The following RAPGEF5 variants were observed in gnomAD, a reference collection of about 807,000 sequenced individuals.
RAPGEF5 encodes the protein Rap guanine nucleotide exchange factor 5.
Under a neutral mutation model 125.2 loss-of-function variants are expected in RAPGEF5, and 65 were observed. The ratio of observed to expected loss-of-function variants is 0.52; its 90% confidence interval spans 0.43 to 0.64. RAPGEF5 has a LOEUF of 0.64. RAPGEF5 is among the 30% of genes least tolerant of loss of function. The pLI is 0.00. For missense variants in RAPGEF5, 958 were observed against 1,048.1 expected, an observed-to-expected ratio of 0.91 and a Z score of 1.19; for synonymous variants, 391 against 385.9, an observed-to-expected ratio of 1.01 and a Z score of -0.16.
At chr7:22,332,646 T>C (rs532709425) in intron 1 of RAPGEF5, among the ~76,000 whole-genome samples, 19 of 152,354 alleles carry the variant, frequency 1.2e-4, no homozygotes, top group Non-Finnish European at 2.6e-4. Context: ...CACAGGAAAC[T>C]TGTTTTCGAA....
intron 1 of RAPGEF5, among the ~76,000 whole-genome samples, chr7:22,347,724 T>C (rs1784250227): frequency 6.6e-6 from 1 of 152,216 alleles, no homozygotes; most frequent in South Asian, 2.1e-4. Context: ...TATGCCTCAT[T>C]TTTCTCTTCG....
At chr7:22,273,177 A>G (rs1275843315) in intron 6 of RAPGEF5, among the ~76,000 whole-genome samples, 2 of 147,070 alleles carry the variant, frequency 1.4e-5, no homozygotes, top group Non-Finnish European at 3.0e-5. Context: ...AAATGTATCT[A>G]TCCTTACTCA....
intron 1 of RAPGEF5, among the ~76,000 whole-genome samples, chr7:22,331,633 T>G (rs1033716825): frequency 6.6e-6 from 1 of 150,850 alleles, no homozygotes; most frequent in African/African-American, 2.4e-5. Context: ...TAGTCCCAGC[T>G]ACTCGGGATG....
chr7:22,197,899 G>A (rs139863680), intron 9 of RAPGEF5, among the ~76,000 whole-genome samples: 16 of 146,740 alleles, frequency 1.1e-4, no homozygotes, highest in African/African-American at 2.5e-4. Flanking sequence ...TTTTTGGGGG[G>A]GGGTGGTAGG....
At chr7:22,338,104 C>A (rs189297311) in intron 1 of RAPGEF5, among the ~76,000 whole-genome samples, 241 of 152,334 alleles carry the variant, frequency 1.6e-3, no homozygotes, top group Middle Eastern at 6.8e-3. Flanking sequence ...TTACCTGCTG[C>A]ATTTCATTTG....
intron 6 of RAPGEF5, among the ~76,000 whole-genome samples, chr7:22,270,021 A>T (rs1405885698): frequency 6.6e-6 from 1 of 152,250 alleles, no homozygotes; most frequent in African/African-American, 2.4e-5. Context: ...ACTGAGGCAG[A>T]GGGCAAGGAG....
intron 5 of RAPGEF5, among the ~76,000 whole-genome samples, chr7:22,308,005 C>T (rs553187395): frequency 2.6e-5 from 4 of 152,200 alleles, no homozygotes; most frequent in South Asian, 4.1e-4. Context: ...ATTTGGATAG[C>T]GAATAGGATG....
intron 21 of RAPGEF5, among the ~76,000 whole-genome samples, chr7:22,138,745 A>G (rs1783160514): frequency 6.6e-6 from 1 of 152,270 alleles, no homozygotes; most frequent in Non-Finnish European, 1.5e-5. Flanking sequence ...TGCTCTGCAC[A>G]TAGCAGGCAG....
In RAPGEF5 at chr7:22,219,983, C is replaced by T. The variant is rs371405124; in HGVS notation, c.879G>A (p.Val293=). 6 of 1,613,526 alleles carry T rather than the reference C, an allele frequency of 3.7e-6. No individual in the cohort carries two copies. The African/African-American group carries it at 6.7e-5, about 18-fold the overall frequency. Reference sequence around the variant, plus strand: ...CATCTCTTTCCTGGAGCTTGCACATCACCCCTGCCTTAAGAGTTGGAGAAA... The same window carrying T: ...CATCTCTTTCCTGGAGCTTGCACATTACCCCTGCCTTAAGAGTTGGAGAAA... ...AESVPDSQAG[V]MCKLQERDEI... Residue 293 remains valine, a synonymous_variant, in exon 9 of 26, where the codon GTG becomes GTA. Transcript: ENST00000665637.
At chr7:22,318,161 TA>T (rs1171422876) in intron 1 of RAPGEF5, 124 bp from the exon 2 acceptor site, 5 of 936,456 alleles carry the variant, frequency 5.3e-6, no homozygotes, top group Non-Finnish European at 6.2e-6. Context: ...AAAATGAGCT[TA>T]AATCTCAAAT....
chr7:22,354,590 C>T (rs936970920), intron 1 of RAPGEF5, among the ~76,000 whole-genome samples: 1 of 152,136 alleles, frequency 6.6e-6, no homozygotes, highest in Non-Finnish European at 1.5e-5. Flanking sequence ...TGTTGAAGCC[C>T]TAACCCCAAA....
chr7:22,292,166 A>G lies in RAPGEF5; in HGVS notation c.681-925T>C, dbSNP rs1432342427. ...CATCACAGTCCAGTGATTGATTTCA[A>G]TCTCAGTAACTACAGTGTGTCAGCT... is the stretch of plus-strand genomic sequence containing the variant. On this transcript the variant is annotated intron_variant, in intron 5 of 25. Coordinates refer to ENST00000665637, the MANE Select transcript of RAPGEF5 (RefSeq NM_012294.5). Among the ~76,000 whole-genome samples the G allele has an allele frequency of 2.0e-5, 3 of 152,194 alleles. No homozygotes were observed. The South Asian group carries it at 6.2e-4, about 31-fold the overall frequency.
In RAPGEF5 at chr7:22,344,103, C is replaced by T. The variant is rs139487698; in HGVS notation, c.231+12727G>A. 3.9e-5 allele frequency among the ~76,000 whole-genome samples: 6 copies of T among 152,266 alleles called. No homozygotes were observed. The East Asian group carries it at 1.2e-3, about 29-fold the overall frequency. Reference sequence around the variant, plus strand: ...CCTCAGGACCCTCTACGGTGAAGCCCAGCATCACTTTCAAGGCCAGGCCTT... The same window carrying T: ...CCTCAGGACCCTCTACGGTGAAGCCTAGCATCACTTTCAAGGCCAGGCCTT... On this transcript the variant is annotated intron_variant, in intron 1 of 25. Transcript: ENST00000665637.
chr7:22,146,768 T>C, intron 19 of RAPGEF5, 129 bp downstream of exon 19: 1 of 1,191,572 alleles, frequency 8.4e-7, no homozygotes, highest in South Asian at 1.7e-5. Context: ...TCAATATATT[T>C]CAAGTCCCCA....
intron 12 of RAPGEF5, among the ~76,000 whole-genome samples, chr7:22,165,224 C>G (rs1784125300): frequency 6.6e-6 from 1 of 151,980 alleles, no homozygotes; most frequent in Non-Finnish European, 1.5e-5. Context: ...ACATATATAT[C>G]CAAGTTAAGT....
intron 1 of RAPGEF5, among the ~76,000 whole-genome samples, chr7:22,318,663 C>G (rs1043601787): frequency 6.6e-6 from 1 of 152,182 alleles, no homozygotes; most frequent in African/African-American, 2.4e-5. Flanking sequence ...CCACTCATAA[C>G]CCTGCCTTTA....
chr7:22,226,905 A>G (rs923976752), intron 8 of RAPGEF5, among the ~76,000 whole-genome samples: 1 of 152,212 alleles, frequency 6.6e-6, no homozygotes, highest in South Asian at 2.1e-4. Flanking sequence ...AGAGCTAGGA[A>G]TAAGGCAGAA....
chr7:22,152,454 C>T (rs1028906162), intron 17 of RAPGEF5, among the ~76,000 whole-genome samples: 3 of 152,168 alleles, frequency 2.0e-5, no homozygotes, highest in Non-Finnish European at 4.4e-5. Context: ...TGCTGAGAAA[C>T]ATTTTTCCCC....
chr7:22,122,978 T>C (rs1214213530), intron 25 of RAPGEF5, among the ~76,000 whole-genome samples: 1 of 152,198 alleles, frequency 6.6e-6, no homozygotes, highest in Admixed American at 6.5e-5. Flanking sequence ...GTATTTAGCA[T>C]ATGAATGCAA....
Sources: allele counts gnomAD v4.1 joint callset (sites outside exome capture counted in the v4.1 genomes callset), GRCh38; gene constraint gnomAD v4.1.1; transcripts MANE v1.5; gene names NCBI Gene and HGNC (gene_info 2026-07-23, HGNC 2026-07-21).